The following FBXO31 variants were observed in gnomAD, a reference collection of about 807,000 sequenced individuals.
The protein encoded by FBXO31 is F-box only protein 31.
A neutral mutation model predicts 54.4 loss-of-function variants in FBXO31; 24 were observed. That is an observed-to-expected ratio of 0.44 (90% confidence interval 0.32 to 0.62). The LOEUF (loss-of-function observed/expected upper bound fraction) is 0.62, where lower values mean the gene tolerates loss of function less well. Ranked by LOEUF, FBXO31 falls within the 20% of genes least tolerant of loss-of-function variation. The pLI, the probability that FBXO31 is intolerant of heterozygous loss-of-function variation, is 0.05. For missense variants in FBXO31, 665 were observed against 787.1 expected (o/e 0.84, Z 1.86); for synonymous variants, 388 against 335.6 (o/e 1.16, Z -1.71).
intron 1 of FBXO31, among the ~76,000 whole-genome samples, chr16:87,360,740 G>A (rs1251592851): frequency 1.3e-5 from 2 of 152,196 alleles, no homozygotes; most frequent in African/African-American, 2.4e-5. Context: ...ATTCACCACT[G>A]GTGTTAGGGT....
At chr16:87,339,342 G>A (rs180928488) in intron 5 of FBXO31, among the ~76,000 whole-genome samples, 2 of 152,098 alleles carry the variant, frequency 1.3e-5, no homozygotes, top group Non-Finnish European at 2.9e-5. Context: ...TAGTGGAGAG[G>A]AGCTCCCAGC....
intron 2 of FBXO31, among the ~76,000 whole-genome samples, chr16:87,351,439 C>T (rs4843601): frequency 0.56 from 85,171 of 152,048 alleles, 24,588 homozygotes; most frequent in Non-Finnish European, 0.63. Flanking sequence ...CAACGTTCCC[C>T]GCACTTCAGT....
chr16:87,354,267 G>C (rs1171065469), intron 2 of FBXO31, among the ~76,000 whole-genome samples: 1 of 152,138 alleles, frequency 6.6e-6, no homozygotes, highest in African/African-American at 2.4e-5. Flanking sequence ...GAGCCCAGGA[G>C]TTCCAGACTG....
At chr16:87,333,410 G>A (rs1350052016) in intron 8 of FBXO31, among the ~76,000 whole-genome samples, 1 of 152,160 alleles carries the variant, frequency 6.6e-6, no homozygotes, top group African/African-American at 2.4e-5. Flanking sequence ...CGCACCGGGA[G>A]ATGGCCAAAG....
chr16:87,330,835 G>A lies in FBXO31; in HGVS notation c.*453C>T, dbSNP rs980548150. 1 of 176,276 alleles carries A rather than the reference G, an allele frequency of 5.7e-6. No individual in the cohort carries two copies. The highest frequency in any genetic ancestry group is 2.4e-5 in the African/African-American group (1 of 42,334). The allele number at this position is 176,276 out of a possible 1,614,324, so 10.9% of individuals were successfully genotyped here. On this transcript the variant is annotated 3_prime_UTR_variant, in exon 9 of 9. Coordinates refer to ENST00000311635, the MANE Select transcript of FBXO31 (RefSeq NM_024735.5). ...GCCTCTTCCTGACCCCCTCCCAGAG[G>A]CCACTGTTGCCTGGCTTCCCCCAAA... is the stretch of plus-strand genomic sequence containing the variant.
intron 8 of FBXO31, among the ~76,000 whole-genome samples, chr16:87,331,880 A>G (rs4536485): frequency 6.6e-6 from 1 of 152,230 alleles, no homozygotes. Flanking sequence ...CTCTGTTCCA[A>G]AACACACATT....
chr16:87,384,101 G>A (rs9972731), upstream of FBXO31: 782 of 158,242 alleles, frequency 4.9e-3, 11 homozygotes, highest in African/African-American at 0.017. Flanking sequence ...AGGCTGCTCG[G>A]CGACCACTTC....
At chr16:87,349,571 C>G (rs1905548653) in intron 2 of FBXO31, among the ~76,000 whole-genome samples, 1 of 152,138 alleles carries the variant, frequency 6.6e-6, no homozygotes, top group Non-Finnish European at 1.5e-5. Context: ...ATTAGCCAGG[C>G]ATAGTGGCAA....
At chr16:87,334,454 G>A (rs1040504415) in intron 7 of FBXO31, among the ~76,000 whole-genome samples, 168 bp from the exon 8 acceptor site, 1 of 152,210 alleles carries the variant, frequency 6.6e-6, no homozygotes, top group African/African-American at 2.4e-5. Flanking sequence ...CTTAGAAAGT[G>A]GCAGGGCCAG....
chr16:87,348,572 A>G (rs753705524), intron 2 of FBXO31, among the ~76,000 whole-genome samples: 10 of 152,148 alleles, frequency 6.6e-5, no homozygotes, highest in Non-Finnish European at 1.5e-4. Flanking sequence ...GCGGGAGGAT[A>G]AGCCAACATA....
chr16:87,361,288 G>C (rs984636795), intron 1 of FBXO31, among the ~76,000 whole-genome samples: 3 of 152,228 alleles, frequency 2.0e-5, no homozygotes, highest in Non-Finnish European at 4.4e-5. Context: ...GTGCAGAGAG[G>C]TGACATGACT....
In FBXO31 at chr16:87,381,644, T is replaced by C. The variant is rs933717; in HGVS notation, c.340+1761A>G. Among the ~76,000 whole-genome samples the C allele has an allele frequency of 0.43, 65,789 of 152,158 alleles. 17,209 individuals carry two copies. Among genetic ancestry groups the C allele is most frequent in the East Asian group, 1 (5,173 of 5,182 alleles). ...AAGGGTTCTTCTCATGCAGACCTCC[T>C]TGGGGTGCAAACTCAAAGAGCCCGA... is the stretch of plus-strand genomic sequence containing the variant. On this transcript the variant is annotated intron_variant, in intron 1 of 8. Coordinates refer to ENST00000311635, the MANE Select transcript of FBXO31 (RefSeq NM_024735.5).
chr16:87,330,465 G>A lies in FBXO31; in HGVS notation c.*823C>T, dbSNP rs1904811289. On this transcript the variant is annotated 3_prime_UTR_variant, in exon 9 of 9. Transcript: ENST00000311635. ...TTGGTTTTGACGCCGTGTGCGTGCAGGGAGGAAGGCATGGACAAAACAAAC... is the reference window on the plus strand; with the variant it reads ...TTGGTTTTGACGCCGTGTGCGTGCAAGGAGGAAGGCATGGACAAAACAAAC... The A allele has an allele frequency of 6.6e-6, 1 of 152,408 alleles. No homozygotes were observed. The highest frequency in any genetic ancestry group is 2.4e-5 in the African/African-American group (1 of 41,452). 9.4% of individuals were successfully genotyped at this position (152,408 alleles called of 1,614,324 possible).
chr16:87,377,840 AG>A (rs1355098312), intron 1 of FBXO31, among the ~76,000 whole-genome samples: 1 of 151,708 alleles, frequency 6.6e-6, no homozygotes, highest in Non-Finnish European at 1.5e-5. Context: ...AAAAAAAAAA[AG>A]AAAAAACATG....
upstream of FBXO31, among the ~76,000 whole-genome samples, chr16:87,387,237 C>A (rs935999149): frequency 6.6e-6 from 1 of 152,176 alleles, no homozygotes; most frequent in Non-Finnish European, 1.5e-5. Flanking sequence ...AACTACTACA[C>A]ATTGAATCCT....
chr16:87,369,929 G>C (rs1455364986), intron 1 of FBXO31, among the ~76,000 whole-genome samples: 1 of 152,082 alleles, frequency 6.6e-6, no homozygotes, highest in Non-Finnish European at 1.5e-5. Context: ...AAACAGCCCA[G>C]TGACCTGACC....
In FBXO31 at chr16:87,383,291, C is replaced by T. The variant is rs564374667; in HGVS notation, c.340+114G>A. ...CAAAACACCACATCGCCGGGCCCCG[C>T]GCCCAACTGGTGGCCCCCGGCCGGG... On this transcript the variant is annotated intron_variant, in intron 1 of 8. Transcript: ENST00000311635. The surrounding 1 kb of genome is among the most constrained non-coding windows in gnomAD (Gnocchi z 4.9). 2 of 995,866 alleles carry T rather than the reference C, an allele frequency of 2.0e-6. No homozygotes were observed. Among genetic ancestry groups the T allele is most frequent in the East Asian group, 3.1e-5 (1 of 32,440 alleles). 61.7% of individuals were successfully genotyped at this position (995,866 alleles called of 1,614,324 possible).
At chr16:87,343,849 G>C (rs2303764) in intron 3 of FBXO31, 84 bp from the exon 4 acceptor site, 870,395 of 1,465,866 alleles carry the variant, frequency 0.59, 266,878 homozygotes, top group East Asian at 0.88. Context: ...GCACTGCAAT[G>C]GCACAGAGAA....
At chr16:87,353,289 A>C (rs1905746535) in intron 2 of FBXO31, among the ~76,000 whole-genome samples, 1 of 152,092 alleles carries the variant, frequency 6.6e-6, no homozygotes, top group Non-Finnish European at 1.5e-5. Context: ...AGGCCTGCCT[A>C]GGTGGTCCAG....
Sources: allele counts gnomAD v4.1 joint callset (sites outside exome capture counted in the v4.1 genomes callset), GRCh38; gene constraint gnomAD v4.1.1; non-coding constraint Gnocchi (gnomAD v3.1); transcripts MANE v1.5; gene names NCBI Gene and HGNC (gene_info 2026-07-23, HGNC 2026-07-21).